The following PAX3 variants were observed in gnomAD, a reference collection of about 807,000 sequenced individuals.
PAX3 encodes the protein paired box protein Pax-3.
Under a neutral mutation model 51.6 loss-of-function variants are expected in PAX3, and 14 were observed. The ratio of observed to expected loss-of-function variants is 0.27; its 90% CI spans 0.18 to 0.42. PAX3 has a LOEUF of 0.42. Ranked by LOEUF, PAX3 falls within the 10% of genes least tolerant of loss-of-function variation. PAX3 has a pLI of 1.00. For missense variants in PAX3, 540 were observed against 642.8 expected, an observed-to-expected ratio of 0.84 and a Z score of 1.73; for synonymous variants, 280 against 253.4, an observed-to-expected ratio of 1.11 and a Z score of -1.00.
chr2:222,258,210 T>C (rs1320263285), intron 4 of PAX3, among the ~76,000 whole-genome samples: 2 of 152,216 alleles, frequency 1.3e-5, no homozygotes. Context: ...AAAAACAATA[T>C]ATTTGTCTGC....
chr2:222,222,479 A>C (rs375068000), intron 5 of PAX3, among the ~76,000 whole-genome samples: 1 of 151,270 alleles, frequency 6.6e-6, no homozygotes, highest in African/African-American at 2.4e-5. Flanking sequence ...TCTCAGTTCA[A>C]CCCAACCTCC....
chr2:222,278,220 G>GTT (rs1694500005), intron 4 of PAX3, among the ~76,000 whole-genome samples: 1 of 152,152 alleles, frequency 6.6e-6, no homozygotes, highest in Non-Finnish European at 1.5e-5. Context: ...GATCTCAAGA[G>GTT]TCTGAAGACT....
chr2:222,297,343 C>A, intron 1 of PAX3, 130 bp from the exon 2 acceptor site: 1 of 731,286 alleles, frequency 1.4e-6, no homozygotes, highest in Non-Finnish European at 2.5e-6. Context: ...TGAAACTGCT[C>A]GACATCGGAC....
chr2:222,217,338 A>G (rs1692003605), intron 7 of PAX3, among the ~76,000 whole-genome samples: 2 of 152,184 alleles, frequency 1.3e-5, no homozygotes, highest in Non-Finnish European at 2.9e-5. Flanking sequence ...TCTCTACTAA[A>G]TTATTTTATA....
intron 4 of PAX3, among the ~76,000 whole-genome samples, chr2:222,243,197 T>G (rs768353540): frequency 4.6e-5 from 7 of 152,188 alleles, no homozygotes; most frequent in Non-Finnish European, 8.8e-5. Context: ...AATACTACAC[T>G]TTTTGTGCCA....
chr2:222,211,975 G>A (rs1420716886), intron 7 of PAX3, among the ~76,000 whole-genome samples: 1 of 152,148 alleles, frequency 6.6e-6, no homozygotes, highest in Admixed American at 6.6e-5. Context: ...GTTTCAGGGT[G>A]TTCAAATAGC....
chr2:222,291,101 G>C (rs1049450810), intron 4 of PAX3, among the ~76,000 whole-genome samples: 1 of 152,178 alleles, frequency 6.6e-6, no homozygotes, highest in Non-Finnish European at 1.5e-5. Context: ...ACAGGAGTGG[G>C]GGCCCAGCCC....
intron 4 of PAX3, among the ~76,000 whole-genome samples, chr2:222,266,702 A>G (rs1484182971): frequency 6.6e-6 from 1 of 152,228 alleles, no homozygotes; most frequent in Admixed American, 6.5e-5. Context: ...TGGCCCTTGA[A>G]GGGGAATGCC....
In PAX3 at chr2:222,261,603, A is replaced by AC. The variant is rs575520153; in HGVS notation, c.587-29321_587-29320insG. ...CACTCAAGCAGAAACAACAACAACAAAAAAAAAAAAAAGAAAAAGAAAAAG... is the reference window on the plus strand; with the variant it reads ...CACTCAAGCAGAAACAACAACAACAACAAAAAAAAAAAAGAAAAAGAAAAAG... On this transcript the variant is annotated intron_variant, in intron 4 of 8. Coordinates refer to ENST00000392070, the MANE Select transcript of PAX3 (RefSeq NM_181458.4). 3.3e-4 allele frequency among the ~76,000 whole-genome samples: 39 copies of AC among 117,174 alleles called. No homozygotes were observed. The South Asian group carries it at 0.01, about 31-fold the overall frequency. 76.9% of individuals were successfully genotyped at this position (117,174 alleles called of 152,430 possible). A position where few individuals can be genotyped will look rare whatever the true frequency, so the allele number is the denominator to read the frequency against.
intron 4 of PAX3, among the ~76,000 whole-genome samples, chr2:222,271,964 T>C (rs1363408386): frequency 6.6e-6 from 1 of 152,232 alleles, no homozygotes; most frequent in African/African-American, 2.4e-5. Context: ...TAGACTTAAA[T>C]GAAAGCCTTG....
intron 4 of PAX3, among the ~76,000 whole-genome samples, chr2:222,259,153 G>T (rs1693752806): frequency 6.6e-6 from 1 of 152,174 alleles, no homozygotes. Flanking sequence ...TCCAAGAGTG[G>T]TTTCTTGCGA....
intron 7 of PAX3, among the ~76,000 whole-genome samples, chr2:222,203,118 A>C (rs1369321037): frequency 1.4e-5 from 2 of 143,646 alleles, no homozygotes; most frequent in Non-Finnish European, 3.0e-5. Context: ...TTCAGTTTGT[A>C]AATAACCTGG....
chr2:222,250,752 A>C (rs1475232027), intron 4 of PAX3, among the ~76,000 whole-genome samples: 2 of 152,146 alleles, frequency 1.3e-5, no homozygotes, highest in Non-Finnish European at 2.9e-5. Flanking sequence ...AGATTTCTTA[A>C]ATTCTAAATA....
rs1695459890 is a variant in PAX3 at position 222,298,896 on chromosome 2, G to C, written c.-281C>G. 2 of 541,504 alleles carry C rather than the reference G, an allele frequency of 3.7e-6. No homozygotes were observed. 33.5% of individuals were successfully genotyped at this position (541,504 alleles called of 1,614,324 possible). A position where few individuals can be genotyped will look rare whatever the true frequency, so the allele number is the denominator to read the frequency against. ...AGTCTGGGCAAATGTTCCAGCGACT[G>C]GGGTCCCTGAAAAGGGGGCTCAGAG... On this transcript the variant is annotated 5_prime_UTR_variant, in exon 1 of 9. Transcript: ENST00000392070.
chr2:222,252,462 A>C lies in PAX3; in HGVS notation c.587-20179T>G, dbSNP rs566987587. 3.8e-4 allele frequency among the ~76,000 whole-genome samples: 58 copies of C among 152,306 alleles called. 1 individual carries two copies. In the South Asian group the frequency reaches 0.012, roughly 32 times the overall value. ...ATATACTAATAGCTAGTCTGTAGTG[A>C]AGGTAGAATTAACATTCAATCTCTC... On this transcript the variant is annotated intron_variant, in intron 4 of 8. Coordinates refer to ENST00000392070, the MANE Select transcript of PAX3 (RefSeq NM_181458.4).
chr2:222,276,758 A>G (rs539417660), intron 4 of PAX3, among the ~76,000 whole-genome samples: 4 of 152,306 alleles, frequency 2.6e-5, no homozygotes, highest in African/African-American at 4.8e-5. Context: ...GCATCCTCCA[A>G]TTAAGGGTTT....
At chr2:222,209,196 C>T (rs1245740109) in intron 7 of PAX3, among the ~76,000 whole-genome samples, 3 of 152,118 alleles carry the variant, frequency 2.0e-5, no homozygotes, top group Non-Finnish European at 4.4e-5. Flanking sequence ...TTGTCCAGCT[C>T]AACAAGGAAA....
In PAX3 at chr2:222,203,707, A is replaced by AT. The variant is rs144877444; in HGVS notation, c.1174-1518dup. ...CTCAACTCAGATTCCAAAAACAAGG[A>AT]TCCCATAATTCCCTTTGGGAAGGGT... is the stretch of plus-strand genomic sequence containing the variant. On this transcript the variant is annotated intron_variant, in intron 7 of 8. Coordinates refer to ENST00000392070, the MANE Select transcript of PAX3 (RefSeq NM_181458.4). 7.2e-3 allele frequency among the ~76,000 whole-genome samples: 1,093 copies of AT among 152,254 alleles called. 13 individuals are homozygous for AT. The highest frequency in any genetic ancestry group is 0.025 in the African/African-American group (1,020 of 41,548).
intron 4 of PAX3, among the ~76,000 whole-genome samples, chr2:222,254,421 T>A (rs1373249891): frequency 6.6e-6 from 1 of 151,862 alleles, no homozygotes; most frequent in Non-Finnish European, 1.5e-5. Flanking sequence ...ATCACACATA[T>A]AAGGTTACCC....
Sources: allele counts gnomAD v4.1 joint callset (sites outside exome capture counted in the v4.1 genomes callset), GRCh38; gene constraint gnomAD v4.1.1; transcripts MANE v1.5; gene names NCBI Gene and HGNC (gene_info 2026-07-23, HGNC 2026-07-21).